The following NLGN1 variants were observed in gnomAD, a reference collection of about 807,000 sequenced individuals.
NLGN1 encodes the protein neuroligin-1.
Under a neutral mutation model 65.5 loss-of-function variants are expected in NLGN1, and 12 were observed. The ratio of observed to expected loss-of-function variants is 0.18; its 90% CI spans 0.12 to 0.30. The LOEUF is 0.30. Among genes scored for constraint, NLGN1 ranks in the 10% least tolerant of loss-of-function variants. The probability of loss-of-function intolerance (pLI) is 1.00; values close to 1 mark genes in which losing one functional copy is unlikely to be tolerated. For missense variants in NLGN1, 750 were observed against 1,007.1 expected, an observed-to-expected ratio of 0.74 and a Z score of 3.46; for synonymous variants, 350 against 359.5, an observed-to-expected ratio of 0.97 and a Z score of 0.30.
intron 2 of NLGN1, among the ~76,000 whole-genome samples, chr3:173,522,430 GTGT>G (rs1442024356): frequency 2.0e-5 from 3 of 151,986 alleles, no homozygotes; most frequent in African/African-American, 7.2e-5. Context: ...ATGCATACAG[GTGT>G]TGTTGTTGTT....
At chr3:174,210,732 A>G (rs1360165385) in intron 4 of NLGN1, among the ~76,000 whole-genome samples, 2 of 152,232 alleles carry the variant, frequency 1.3e-5, no homozygotes, top group African/African-American at 4.8e-5. Context: ...TAGCAGTTAA[A>G]AAAATACAGT....
At chr3:174,172,368 A>G (rs1438791702) in intron 4 of NLGN1, among the ~76,000 whole-genome samples, 1 of 152,102 alleles carries the variant, frequency 6.6e-6, no homozygotes, top group Non-Finnish European at 1.5e-5. Flanking sequence ...CTGTTGTAGT[A>G]GCAAATACTG....
At chr3:173,934,132 A>G (rs970881570) in intron 4 of NLGN1, among the ~76,000 whole-genome samples, 3 of 151,252 alleles carry the variant, frequency 2.0e-5, no homozygotes, top group African/African-American at 7.3e-5. Flanking sequence ...AATGAACTTT[A>G]AATAACATCT....
At chr3:173,538,990 C>T (rs910014240) in intron 2 of NLGN1, among the ~76,000 whole-genome samples, 3 of 151,876 alleles carry the variant, frequency 2.0e-5, no homozygotes, top group African/African-American at 7.3e-5. Flanking sequence ...GACAAACCAT[C>T]AGCCACAGCC....
At chr3:174,257,332 G>C (rs1179580740) in intron 4 of NLGN1, among the ~76,000 whole-genome samples, 1 of 152,150 alleles carries the variant, frequency 6.6e-6, no homozygotes, top group Non-Finnish European at 1.5e-5. Flanking sequence ...TTTAATAATT[G>C]TGAAAGAGAA....
At chr3:173,514,086 C>G (rs1331370278) in intron 2 of NLGN1, among the ~76,000 whole-genome samples, 3 of 152,146 alleles carry the variant, frequency 2.0e-5, no homozygotes, top group Non-Finnish European at 4.4e-5. Context: ...CTAAAACATA[C>G]TGACTGCACA....
In NLGN1 at chr3:174,261,610, A is replaced by G. The variant is rs1467299658; in HGVS notation, c.647-13705A>G. On this transcript the variant is annotated intron_variant, in intron 4 of 6. Coordinates refer to ENST00000457714, the Ensembl canonical transcript of NLGN1. ...GCTGAGACAATGGGGTTTTCTAGAT[A>G]TACAATCATGTCGTCTGCAAACAGG... Among the ~76,000 whole-genome samples the G allele has an allele frequency of 2.6e-3, 344 of 133,382 alleles. 2 individuals carry two copies. Among genetic ancestry groups the G allele is most frequent in the Non-Finnish European group, 4.5e-3 (286 of 63,228 alleles). The allele number at this position is 133,382 out of a possible 152,430, so 87.5% of individuals were successfully genotyped here. A position where few individuals can be genotyped will look rare whatever the true frequency, so the allele number is the denominator to read the frequency against.
intron 4 of NLGN1, among the ~76,000 whole-genome samples, chr3:173,870,511 A>G (rs1212557664): frequency 2.0e-5 from 3 of 152,202 alleles, no homozygotes; most frequent in African/African-American, 7.2e-5. Context: ...GACAGTTTCA[A>G]CAAAAAGGGG....
chr3:173,950,035 C>T (rs1461564285), intron 4 of NLGN1, among the ~76,000 whole-genome samples: 1 of 151,956 alleles, frequency 6.6e-6, no homozygotes, highest in East Asian at 1.9e-4. Context: ...TGGGACCACA[C>T]GATCACTTTA....
chr3:174,155,475 C>T (rs552346495), intron 4 of NLGN1, among the ~76,000 whole-genome samples: 7 of 151,746 alleles, frequency 4.6e-5, no homozygotes, highest in Non-Finnish European at 7.4e-5. Flanking sequence ...CTGAAGCATT[C>T]GTAACAATGT....
At chr3:174,180,365 C>G (rs979506109) in intron 4 of NLGN1, among the ~76,000 whole-genome samples, 1 of 152,090 alleles carries the variant, frequency 6.6e-6, no homozygotes, top group African/African-American at 2.4e-5. Context: ...CTGACCTAGA[C>G]AAATAATTGT....
intron 3 of NLGN1, among the ~76,000 whole-genome samples, chr3:173,799,116 T>A (rs1209015062): frequency 7.2e-5 from 11 of 152,058 alleles, no homozygotes; most frequent in Non-Finnish European, 2.9e-5. Flanking sequence ...CAGTCTCTTT[T>A]TCCCTCCCTT....
chr3:174,124,677 A>G (rs1718557732), intron 4 of NLGN1, among the ~76,000 whole-genome samples: 1 of 148,470 alleles, frequency 6.7e-6, no homozygotes, highest in Non-Finnish European at 1.5e-5. Flanking sequence ...ATGTGTATAT[A>G]CATATATAAG....
intron 2 of NLGN1, among the ~76,000 whole-genome samples, chr3:173,577,787 T>C (rs1745742694): frequency 6.6e-6 from 1 of 152,166 alleles, no homozygotes; most frequent in African/African-American, 2.4e-5. Context: ...GAAAAACTTG[T>C]GACATATTTT....
intron 4 of NLGN1, among the ~76,000 whole-genome samples, chr3:174,213,202 C>T (rs978035824): frequency 5.9e-5 from 9 of 152,108 alleles, no homozygotes; most frequent in African/African-American, 2.2e-4. Context: ...TTCAAAATAA[C>T]TATGGTTTAA....
rs3979619 is a variant in NLGN1, at chr3:174,076,679, T to TAGAGAGAGAG, written c.647-198599_647-198590dup. ...ATAGTTCCTTTCTCCTCTGGGACCA[T>TAGAGAGAGAG]AGAGAGAGAGAGAGAGAGAGAGAGA... On this transcript the variant is annotated intron_variant, in intron 4 of 6. Transcript: ENST00000457714. 2.4e-3 allele frequency among the ~76,000 whole-genome samples: 224 copies of TAGAGAGAGAG among 92,898 alleles called. 1 individual carries two copies. Among genetic ancestry groups the TAGAGAGAGAG allele is most frequent in the African/African-American group, 3.5e-3 (75 of 21,466 alleles). 60.9% of individuals were successfully genotyped at this position (92,898 alleles called of 152,430 possible).
At chr3:173,599,846 C>A in intron 2 of NLGN1, among the ~76,000 whole-genome samples, 1 of 152,084 alleles carries the variant, frequency 6.6e-6, no homozygotes, top group East Asian at 1.9e-4. Context: ...CAGACATGAG[C>A]AAAGCAGCAA....
chr3:173,670,101 G>A (rs964649996), intron 3 of NLGN1, among the ~76,000 whole-genome samples: 1 of 152,096 alleles, frequency 6.6e-6, no homozygotes, highest in African/African-American at 2.4e-5. Flanking sequence ...GGAGAAAGCA[G>A]ATAAACTGAA....
chr3:173,666,619 T>C (rs1473567559), intron 3 of NLGN1, among the ~76,000 whole-genome samples: 2 of 152,180 alleles, frequency 1.3e-5, no homozygotes, highest in Admixed American at 1.3e-4. Flanking sequence ...GGGACTCTCT[T>C]GGTGATGCTC....
Sources: gnomAD v4.1 joint callset for allele counts (sites outside exome capture counted in the v4.1 genomes callset) on GRCh38, gnomAD v4.1.1 for gene constraint, MANE v1.5 for transcripts, NCBI Gene and HGNC (gene_info 2026-07-23, HGNC 2026-07-21) for gene names.